Variants in PRKN observed in about 807,000 individuals in gnomAD.
PRKN encodes E3 ubiquitin-protein ligase parkin.
A neutral mutation model predicts 59.5 loss-of-function variants in PRKN; 56 were observed. The ratio of observed to expected loss-of-function variants is 0.94; its 90% CI spans 0.76 to 1.18. The LOEUF (loss-of-function observed/expected upper bound fraction) is 1.18. PRKN is among the 50% of genes most tolerant of loss of function. PRKN has a pLI of 0.00. For synonymous variants in PRKN, 250 were observed against 222.1 expected (o/e 1.13, Z -1.12); for missense variants, 657 against 596.4 (o/e 1.10, Z -1.06).
intron 6 of PRKN, among the ~76,000 whole-genome samples, chr6:161,966,249 G>T (rs954657932): frequency 8.6e-5 from 13 of 151,582 alleles, no homozygotes; most frequent in African/African-American, 3.2e-4. Context: ...AGACTCCTTA[G>T]ATAGAAATTT....
chr6:161,437,379 G>A (rs907775760), intron 9 of PRKN, among the ~76,000 whole-genome samples: 1 of 152,154 alleles, frequency 6.6e-6, no homozygotes. Flanking sequence ...AGATTTCATC[G>A]CACAACTCAG....
chr6:162,668,142 G>A (rs971660929), intron 1 of PRKN, among the ~76,000 whole-genome samples: 7 of 152,184 alleles, frequency 4.6e-5, no homozygotes, highest in Non-Finnish European at 1.0e-4. Context: ...CAAGGTTAAA[G>A]TAAGGAAGCA....
chr6:162,672,778 G>C (rs914007969), intron 1 of PRKN, among the ~76,000 whole-genome samples: 4 of 152,018 alleles, frequency 2.6e-5, no homozygotes, highest in Non-Finnish European at 5.9e-5. Context: ...TTATCTGCCA[G>C]AGGTCTACTC....
intron 2 of PRKN, chr6:162,275,470 A>AT (rs1780593436): frequency 6.6e-6 from 1 of 152,142 alleles, no homozygotes; most frequent in Non-Finnish European, 1.5e-5. Context: ...TAAAAATGCA[A>AT]TTTTTAAAAG....
chr6:161,804,019 G>A (rs76292844), intron 6 of PRKN, among the ~76,000 whole-genome samples: 3,779 of 152,322 alleles, frequency 0.025, 142 homozygotes, highest in African/African-American at 0.086. Context: ...GGGTGGCACA[G>A]CCTCCAGGTG....
chr6:162,714,429 T>G (rs1266235477), intron 1 of PRKN, among the ~76,000 whole-genome samples: 1 of 152,078 alleles, frequency 6.6e-6, no homozygotes, highest in Non-Finnish European at 1.5e-5. Flanking sequence ...GCTCTTCCCA[T>G]TTTTTAAAAA....
chr6:161,545,137 C>T lies in PRKN; in HGVS notation c.1083+3717G>A, dbSNP rs371145213. ...ATTTGGTTTTCAACTTTTTTATACG[C>T]GATTTTTTTTGTAACAGCTAACATT... On this transcript the variant is annotated intron_variant, in intron 9 of 11. Coordinates refer to ENST00000366898, the MANE Select transcript of PRKN (RefSeq NM_004562.3). The surrounding 1 kb of genome is among the most constrained non-coding windows in gnomAD (Gnocchi z 4.1). 397 of 1,281,692 alleles carry T rather than the reference C, an allele frequency of 3.1e-4. No individual in the cohort carries two copies. The African/African-American group carries it at 5.3e-3, about 17-fold the overall frequency. The allele number at this position is 1,281,692 out of a possible 1,614,324, so 79.4% of individuals were successfully genotyped here.
At chr6:162,596,421 T>C (rs1781496211) in intron 1 of PRKN, among the ~76,000 whole-genome samples, 2 of 152,232 alleles carry the variant, frequency 1.3e-5, no homozygotes. Flanking sequence ...GTGATGTTTC[T>C]TACTTCATAT....
At chr6:161,698,891 A>C (rs1265176915) in intron 7 of PRKN, among the ~76,000 whole-genome samples, 1 of 152,172 alleles carries the variant, frequency 6.6e-6, no homozygotes, top group Non-Finnish European at 1.5e-5. Flanking sequence ...ACAAACTGAC[A>C]AACTGGACTT....
intron 7 of PRKN, among the ~76,000 whole-genome samples, chr6:161,664,501 T>A (rs1296238103): frequency 6.6e-6 from 1 of 151,690 alleles, no homozygotes; most frequent in African/African-American, 2.4e-5. Flanking sequence ...AGAACCGGTA[T>A]CCTTTAAAAT....
chr6:162,632,624 T>G (rs1777539400), intron 1 of PRKN, among the ~76,000 whole-genome samples: 1 of 151,860 alleles, frequency 6.6e-6, no homozygotes, highest in African/African-American at 2.4e-5. Context: ...AACCTACACA[T>G]GTACTCCTGT....
chr6:161,495,201 C>T (rs927681838), intron 9 of PRKN, among the ~76,000 whole-genome samples: 13 of 152,148 alleles, frequency 8.5e-5, no homozygotes, highest in African/African-American at 3.1e-4. Context: ...TTTACATTTG[C>T]AACACACCTC....
chr6:161,958,949 T>C (rs973028839), intron 6 of PRKN, among the ~76,000 whole-genome samples: 5 of 152,156 alleles, frequency 3.3e-5, no homozygotes, highest in Non-Finnish European at 5.9e-5. Context: ...ATAGTTAACA[T>C]AGTTGAATCT....
chr6:162,252,943 C>A (rs980425423), intron 3 of PRKN, among the ~76,000 whole-genome samples: 17 of 152,192 alleles, frequency 1.1e-4, no homozygotes, highest in African/African-American at 4.1e-4. Context: ...TAAGCATCAA[C>A]AATGTGCCCA....
In PRKN at chr6:162,400,738, TACATTTCTTAAA is replaced by T. The variant is rs1787751061; in HGVS notation, c.171+42560_171+42571del. On this transcript the variant is annotated intron_variant, in intron 2 of 11. Coordinates refer to ENST00000366898, the MANE Select transcript of PRKN (RefSeq NM_004562.3). ...GTAGATGGGTGGGAAGCAGAGGAAGTACATTTCTTAAAACAGAGGATACATCTTTTCTCAAAT... is the reference window on the plus strand; with the variant it reads ...GTAGATGGGTGGGAAGCAGAGGAAGTACAGAGGATACATCTTTTCTCAAAT... 9.9e-5 allele frequency among the ~76,000 whole-genome samples: 15 copies of T among 152,226 alleles called. No homozygotes were observed. In the South Asian group the frequency reaches 3.1e-3, roughly 32 times the overall value.
At chr6:161,415,610 C>T (rs1243004314) in intron 9 of PRKN, among the ~76,000 whole-genome samples, 1 of 128,574 alleles carries the variant, frequency 7.8e-6, no homozygotes, top group Non-Finnish European at 1.7e-5. Context: ...CCCCCCCCGA[C>T]CCCCCGCCAG....
chr6:161,940,086 G>A (rs928465461), intron 6 of PRKN, among the ~76,000 whole-genome samples: 1 of 151,966 alleles, frequency 6.6e-6, no homozygotes, highest in African/African-American at 2.4e-5. Context: ...AGTAGAGACG[G>A]GGTTTCTCCA....
At chr6:162,358,850 A>C in intron 2 of PRKN, among the ~76,000 whole-genome samples, 1 of 151,928 alleles carries the variant, frequency 6.6e-6, no homozygotes, top group Non-Finnish European at 1.5e-5. Context: ...ACTTGAAGTC[A>C]GGAGTTGGAG....
intron 6 of PRKN, among the ~76,000 whole-genome samples, chr6:161,949,182 T>G (rs746383223): frequency 1.3e-5 from 2 of 152,152 alleles, no homozygotes; most frequent in African/African-American, 2.4e-5. Flanking sequence ...AGAAGTATCT[T>G]CCTAAAGCAT....
Sources: gnomAD v4.1 joint callset for allele counts (sites outside exome capture counted in the v4.1 genomes callset) on GRCh38, gnomAD v4.1.1 for gene constraint, Gnocchi (gnomAD v3.1) non-coding constraint, MANE v1.5 for transcripts, NCBI Gene and HGNC (gene_info 2026-07-23, HGNC 2026-07-21) for gene names.